Variants in EHBP1 observed in about 807,000 individuals in gnomAD.
EHBP1 encodes EH domain binding protein 1.
EHBP1 carries 55 observed loss-of-function variants against 144.0 expected under a neutral mutation model. That is an observed-to-expected ratio of 0.38 (90% CI 0.31 to 0.48). The LOEUF (loss-of-function observed/expected upper bound fraction) is 0.48, where lower values mean the gene tolerates loss of function less well. EHBP1 is among the 20% of genes least tolerant of loss of function. The probability of loss-of-function intolerance (pLI) is 0.98; values close to 1 mark genes in which losing one functional copy is unlikely to be tolerated. For synonymous variants in EHBP1, 469 were observed against 472.7 expected (o/e 0.99, Z 0.10); for missense variants, 1,200 against 1,364.2 (o/e 0.88, Z 1.90).
At chr2:62,870,729 A>T (rs902800793) in intron 9 of EHBP1, among the ~76,000 whole-genome samples, 14 of 148,762 alleles carry the variant, frequency 9.4e-5, no homozygotes, top group Non-Finnish European at 5.9e-5. Context: ...AAAAAAAAAA[A>T]AAAAAATACA....
chr2:63,033,660 C>T lies in EHBP1; in HGVS notation c.3104-3875C>T, dbSNP rs1243366049. Among the ~76,000 whole-genome samples the T allele has an allele frequency of 2.0e-5, 3 of 152,040 alleles. No individual in the cohort carries two copies. In the East Asian group the frequency reaches 5.8e-4, roughly 29 times the overall value. On this transcript the variant is annotated intron_variant, in intron 19 of 22. Coordinates refer to ENST00000431489, the MANE Select transcript of EHBP1 (RefSeq NM_001142616.3). Reference sequence around the variant, plus strand: ...AACATTCATAATTTCTGGTTTTTGACATCACTTTTATTCATTTTAAAACTT... The same window carrying T: ...AACATTCATAATTTCTGGTTTTTGATATCACTTTTATTCATTTTAAAACTT...
intron 5 of EHBP1, among the ~76,000 whole-genome samples, chr2:62,785,786 T>G (rs895121049): frequency 5.3e-5 from 8 of 152,218 alleles, no homozygotes; most frequent in Admixed American, 2.0e-4. Flanking sequence ...TAAAATATTT[T>G]TAAACTTTCT....
At chr2:62,751,256 C>G (rs2039685537) in intron 3 of EHBP1, among the ~76,000 whole-genome samples, 2 of 152,066 alleles carry the variant, frequency 1.3e-5, no homozygotes, top group African/African-American at 2.4e-5. Flanking sequence ...TGGTTTTTGT[C>G]TTTGGTTCTG....
chr2:63,037,633 C>T lies in EHBP1; in HGVS notation c.3202C>T (p.Leu1068=). The change falls in exon 20 of 23, where the codon CTG becomes TTG. Residue 1068 remains leucine (L), a splice_region_variant and synonymous_variant. Transcript: ENST00000431489. The part of the protein sequence containing the change: ...LIRRMNQLSL[L]EKEHDLERRY... Reference sequence around the variant, plus strand: ...AAGGAGAATGAATCAGCTCTCTCTTCTGTAAGTACTCATCATTATGCTTGT... The same window carrying T: ...AAGGAGAATGAATCAGCTCTCTCTTTTGTAAGTACTCATCATTATGCTTGT... 10 of 1,546,060 alleles carry T rather than the reference C, an allele frequency of 6.5e-6. No homozygotes were observed. Among genetic ancestry groups the T allele is most frequent in the Non-Finnish European group, 8.9e-6 (10 of 1,128,766 alleles).
At chr2:62,820,643 A>G (rs1360865436) in intron 5 of EHBP1, among the ~76,000 whole-genome samples, 1 of 149,606 alleles carries the variant, frequency 6.7e-6, no homozygotes, top group Non-Finnish European at 1.5e-5. Context: ...CCATAATGTC[A>G]TCAAGGTTCA....
intron 3 of EHBP1, among the ~76,000 whole-genome samples, chr2:62,756,374 A>G (rs182540716): frequency 5.1e-4 from 77 of 152,326 alleles, no homozygotes; most frequent in Admixed American, 1.4e-3. Flanking sequence ...ACATTTTAAA[A>G]TCTTTCCTGA....
chr2:62,777,726 A>G (rs1388201339), intron 5 of EHBP1, among the ~76,000 whole-genome samples: 5 of 152,194 alleles, frequency 3.3e-5, no homozygotes, highest in Non-Finnish European at 7.3e-5. Flanking sequence ...AGTGTCAGAG[A>G]GGTAAAGAAC....
chr2:62,950,263 A>G (rs893971482), intron 13 of EHBP1, among the ~76,000 whole-genome samples: 17 of 152,058 alleles, frequency 1.1e-4, no homozygotes, highest in African/African-American at 4.1e-4. Flanking sequence ...AGTTAAAGCT[A>G]TTTTCATAAT....
chr2:62,787,658 G>A (rs1447742311), intron 5 of EHBP1, among the ~76,000 whole-genome samples: 1 of 152,100 alleles, frequency 6.6e-6, no homozygotes, highest in Non-Finnish European at 1.5e-5. Context: ...GAATGCAATA[G>A]CAAGGCTAAG....
At chr2:62,841,496 AAAT>A (rs995124552) in intron 7 of EHBP1, among the ~76,000 whole-genome samples, 5 of 152,146 alleles carry the variant, frequency 3.3e-5, no homozygotes, top group African/African-American at 1.2e-4. Flanking sequence ...AAAAAAATAA[AAAT>A]AAAAAAAATA....
At chr2:62,934,500 T>A (rs1440436983) in intron 10 of EHBP1, among the ~76,000 whole-genome samples, 1 of 152,232 alleles carries the variant, frequency 6.6e-6, no homozygotes, top group African/African-American at 2.4e-5. Context: ...TACAATTAAT[T>A]TGGCACCAGG....
At chr2:62,955,443 A>C in intron 13 of EHBP1, 74 bp from the exon 14 acceptor site, 1 of 1,411,818 alleles carries the variant, frequency 7.1e-7, no homozygotes, top group Non-Finnish European at 9.6e-7. Context: ...CAGATTGTCT[A>C]ACCTTTCATT....
chr2:62,992,186 C>G (rs1398308855), intron 16 of EHBP1, among the ~76,000 whole-genome samples: 1 of 151,988 alleles, frequency 6.6e-6, no homozygotes, highest in South Asian at 2.1e-4. Context: ...AAAAATTTAG[C>G]TGTGTTTGTT....
intron 10 of EHBP1, among the ~76,000 whole-genome samples, chr2:62,940,651 T>C (rs1209844140): frequency 6.6e-6 from 1 of 152,194 alleles, no homozygotes; most frequent in Non-Finnish European, 1.5e-5. Context: ...CTGGAGTAGA[T>C]GATTTCATTT....
intron 9 of EHBP1, among the ~76,000 whole-genome samples, chr2:62,873,251 A>G (rs2050627525): frequency 6.6e-6 from 1 of 152,202 alleles, no homozygotes; most frequent in South Asian, 2.1e-4. Flanking sequence ...GATTTGACAG[A>G]TAGAGACTAT....
chr2:62,742,201 A>G (rs1358032819), intron 2 of EHBP1, among the ~76,000 whole-genome samples: 2 of 152,210 alleles, frequency 1.3e-5, no homozygotes, highest in African/African-American at 2.4e-5. Flanking sequence ...CTAATGATGC[A>G]TTTTCTCAGA....
rs561973957 is a variant in EHBP1 at position 62,751,110 on chromosome 2, G to T, written c.162+3658G>T. On this transcript the variant is annotated intron_variant, in intron 3 of 22. Transcript: ENST00000431489. The stretch of plus-strand genomic sequence containing the variant: ...GTTTTTGCCCATTCAGTATGATATT[G>T]GCTGTGGGTTTGTCATAAATAGCTT... Among the ~76,000 whole-genome samples, 25 of 152,222 alleles carry T rather than the reference G, an allele frequency of 1.6e-4. 1 individual carries two copies. Among genetic ancestry groups the T allele is most frequent in the African/African-American group, 5.5e-4 (23 of 41,522 alleles).
chr2:62,769,939 A>G (rs759898867), intron 4 of EHBP1, among the ~76,000 whole-genome samples: 1 of 152,156 alleles, frequency 6.6e-6, no homozygotes, highest in Non-Finnish European at 1.5e-5. Context: ...TATTCAATAA[A>G]TGGTGCTGGA....
At chr2:62,729,258 T>C (rs2037150287) in intron 2 of EHBP1, among the ~76,000 whole-genome samples, 1 of 140,804 alleles carries the variant, frequency 7.1e-6, no homozygotes, top group Non-Finnish European at 1.5e-5. Context: ...TATCCAACTA[T>C]TCTCTTATAT....
Sources: allele counts gnomAD v4.1 joint callset (sites outside exome capture counted in the v4.1 genomes callset), GRCh38; gene constraint gnomAD v4.1.1; transcripts MANE v1.5; gene names NCBI Gene and HGNC (gene_info 2026-07-23, HGNC 2026-07-21).